Variants in DEFB132 observed in about 807,000 individuals in gnomAD.
The protein encoded by DEFB132 is beta-defensin 132.
Under a neutral mutation model 2.5 loss-of-function variants are expected in DEFB132, and 5 were observed. That is an observed-to-expected ratio of 2.00 (90% CI 1.04 to 4.20). The LOEUF is 4.20. Ranked by LOEUF, DEFB132 falls within the 30% of genes most tolerant of loss-of-function variation. The probability of loss-of-function intolerance (pLI) is 0.00; values close to 1 mark genes in which losing one functional copy is unlikely to be tolerated. For synonymous variants in DEFB132, 53 were observed against 46.2 expected (o/e 1.15, Z -0.60); for missense variants, 112 against 110.0 (o/e 1.02, Z -0.08).
At position 259,010 on chromosome 20, in the gene DEFB132, G is replaced by A. The variant is rs73570478; in HGVS notation, c.59-67G>A. On this transcript the variant is annotated intron_variant, in intron 1 of 1. Coordinates refer to ENST00000382376, the MANE Select transcript of DEFB132 (RefSeq NM_207469.3). ...AAAAAGCCAAACACTCCCATCTGGC[G>A]CTGACGCTTTAGTAGCCCTGTGCTG... is the stretch of plus-strand genomic sequence containing the variant. The A allele has an allele frequency of 2.0e-3, 2,976 of 1,514,908 alleles. 41 individuals carry two copies. The African/African-American group carries it at 0.034, about 18-fold the overall frequency. The allele number at this position is 1,514,908 out of a possible 1,614,324, so 93.8% of individuals were successfully genotyped here. A position where few individuals can be genotyped will look rare whatever the true frequency, so the allele number is the denominator to read the frequency against.
In DEFB132 at chr20:259,350, C is replaced by T. The variant is rs1489914526; in HGVS notation, c.*44C>T. 1 of 1,594,022 alleles carries T rather than the reference C, an allele frequency of 6.3e-7. No individual in the cohort carries two copies. The highest frequency in any genetic ancestry group is 8.6e-7 in the Non-Finnish European group (1 of 1,168,400). Reference sequence around the variant, plus strand: ...CCACCAACTCAGAGAAATATCATTTCCACAGTTCCAATTCCTCCTACATTG... The same window carrying T: ...CCACCAACTCAGAGAAATATCATTTTCACAGTTCCAATTCCTCCTACATTG... On this transcript the variant is annotated 3_prime_UTR_variant, in exon 2 of 2. Transcript: ENST00000382376.
Position 259,697 on chromosome 20 carries a change from G to T in DEFB132, c.*391G>T. 3.6e-6 allele frequency: 1 copy of T among 280,388 alleles called. No homozygotes were observed. 17.4% of individuals were successfully genotyped at this position (280,388 alleles called of 1,614,324 possible). A position where few individuals can be genotyped will look rare whatever the true frequency, so the allele number is the denominator to read the frequency against. ...GCCTGATACGTGTCAAAGGAGAGAGGGATAGAGGAGGATTGAATAGAAGGA... is the reference window on the plus strand; with the variant it reads ...GCCTGATACGTGTCAAAGGAGAGAGTGATAGAGGAGGATTGAATAGAAGGA... On this transcript the variant is annotated 3_prime_UTR_variant, in exon 2 of 2. Transcript: ENST00000382376.
chr20:257,822 C>A lies in DEFB132; in HGVS notation c.44C>A (p.Thr15Asn). The part of the protein sequence containing the change: ...LLVLAALGFL[T>N]QVIPASAGGS... Reference sequence around the variant, plus strand: ...GTCTTGGCAGCCCTCGGATTCCTGACCCAGGTGATCCCAGGTAAACTGGAT... The same window carrying A: ...GTCTTGGCAGCCCTCGGATTCCTGAACCAGGTGATCCCAGGTAAACTGGAT... Residue 15 changes from threonine (T) to asparagine (N), a missense_variant, in exon 1 of 2, where the codon ACC becomes AAC. By Grantham distance (65) the Thr-to-Asn change is moderately conservative. Transcript: ENST00000382376. The A allele has an allele frequency of 6.2e-7, 1 of 1,608,890 alleles. No individual in the cohort carries two copies.
chr20:258,179 C>T (rs1388020792), intron 1 of DEFB132, among the ~76,000 whole-genome samples: 1 of 152,184 alleles, frequency 6.6e-6, no homozygotes, highest in Admixed American at 6.5e-5. Context: ...TTGAGATCAG[C>T]CCGGGTTGGA....
rs1377844825 is a variant in DEFB132, at chr20:260,961, C to G, written c.*1655C>G. ...CATCTTATTGGGTATTGCAGGAGTT[C>G]ATTCCTTTTTGTTTATAAATACTCT... is the stretch of plus-strand genomic sequence containing the variant. On this transcript the variant is annotated 3_prime_UTR_variant, in exon 2 of 2. Coordinates refer to ENST00000382376, the MANE Select transcript of DEFB132 (RefSeq NM_207469.3). The G allele has an allele frequency of 6.6e-6, 1 of 152,086 alleles. No homozygotes were observed. Among genetic ancestry groups the G allele is most frequent in the Non-Finnish European group, 1.5e-5 (1 of 68,026 alleles). The allele number at this position is 152,086 out of a possible 1,614,324, so 9.4% of individuals were successfully genotyped here. A position where few individuals can be genotyped will look rare whatever the true frequency, so the allele number is the denominator to read the frequency against.
chr20:258,954 T>C, intron 1 of DEFB132, 123 bp from the exon 2 acceptor site: 3 of 932,112 alleles, frequency 3.2e-6, no homozygotes, highest in East Asian at 5.2e-5. Context: ...AAGTCTCATT[T>C]GCACAACATC....
chr20:260,606 C>G lies in DEFB132; in HGVS notation c.*1300C>G, dbSNP rs143757927. ...AGTTTTATATAACATTTATTTGACA[C>G]GTACTGACTTCTATCTGAGAAGAAC... On this transcript the variant is annotated 3_prime_UTR_variant, in exon 2 of 2. Transcript: ENST00000382376. 1 of 152,132 alleles carries G rather than the reference C, an allele frequency of 6.6e-6. No homozygotes were observed. The highest frequency in any genetic ancestry group is 2.4e-5 in the African/African-American group (1 of 41,430). 9.4% of individuals were successfully genotyped at this position (152,132 alleles called of 1,614,324 possible).
chr20:259,376 C>T lies in DEFB132; in HGVS notation c.*70C>T. ...CACAGTTCCAATTCCTCCTACATTG[C>T]TGAGTACTAGCCAAGGCTCCTCTTT... is the stretch of plus-strand genomic sequence containing the variant. On this transcript the variant is annotated 3_prime_UTR_variant, in exon 2 of 2. Transcript: ENST00000382376. The T allele has an allele frequency of 6.5e-7, 1 of 1,528,960 alleles. No individual in the cohort carries two copies. Among genetic ancestry groups the T allele is most frequent in the Non-Finnish European group, 8.9e-7 (1 of 1,125,086 alleles). 94.7% of individuals were successfully genotyped at this position (1,528,960 alleles called of 1,614,324 possible).
rs765086320 is a variant in DEFB132 at position 259,074 on chromosome 20, C to T, written c.59-3C>T. 1 of 1,614,072 alleles carries T rather than the reference C, an allele frequency of 6.2e-7. No homozygotes were observed. The highest frequency in any genetic ancestry group is 8.5e-7 in the Non-Finnish European group (1 of 1,179,970). ...CTTCTCTGTCTTGTCCTCTCCCATA[C>T]AGCCAGTGCAGGTGGGTCAAAATGT... On this transcript the variant is annotated splice_polypyrimidine_tract_variant and splice_region_variant and intron_variant, in intron 1 of 1. Coordinates refer to ENST00000382376, the MANE Select transcript of DEFB132 (RefSeq NM_207469.3).
Position 257,732 on chromosome 20 carries a change from C to T in DEFB132, c.-47C>T, listed in dbSNP as rs1435725352. 1.3e-5 allele frequency: 21 copies of T among 1,582,082 alleles called. No homozygotes were observed. The highest frequency in any genetic ancestry group is 1.7e-5 in the Non-Finnish European group (20 of 1,154,168). On this transcript the variant is annotated 5_prime_UTR_variant, in exon 1 of 2. Transcript: ENST00000382376. ...AGCTCCAAGCACATTACAGAGGGAC[C>T]CAACTCCATTAAACCACCACCAGCT...
rs2011612503 is a variant in DEFB132, at chr20:259,165, C to A, written c.147C>A (p.Cys49Ter). The A allele has an allele frequency of 5.6e-6, 9 of 1,613,956 alleles. No individual in the cohort carries two copies. Among genetic ancestry groups the A allele is most frequent in the Non-Finnish European group, 7.6e-6 (9 of 1,179,998 alleles). ...CHWGETALFM[C>*]NASRKCCISY... ...GGGGGGAGACAGCATTGTTCATGTG[C>A]AACGCTTCCAGAAAATGCTGCATCA... Residue 49 changes from cysteine (C) to a stop codon, truncating the protein, a stop_gained, in exon 2 of 2, where the codon TGC becomes TGA. Transcript: ENST00000382376. LOFTEE classifies it low-confidence loss of function (END_TRUNC).
rs1177071345 is a variant in DEFB132, at chr20:260,615, T to G, written c.*1309T>G. 1 of 152,200 alleles carries G rather than the reference T, an allele frequency of 6.6e-6. No homozygotes were observed. The highest frequency in any genetic ancestry group is 1.5e-5 in the Non-Finnish European group (1 of 68,026). 9.4% of individuals were successfully genotyped at this position (152,200 alleles called of 1,614,324 possible). On this transcript the variant is annotated 3_prime_UTR_variant, in exon 2 of 2. Transcript: ENST00000382376. ...TAACATTTATTTGACACGTACTGAC[T>G]TCTATCTGAGAAGAACAAACCAAAA... is the stretch of plus-strand genomic sequence containing the variant.
At position 258,095 on chromosome 20, in the gene DEFB132, T is replaced by C. The variant is rs1482411761; in HGVS notation, c.58+259T>C. On this transcript the variant is annotated intron_variant, in intron 1 of 1. Coordinates refer to ENST00000382376, the MANE Select transcript of DEFB132 (RefSeq NM_207469.3). Reference sequence around the variant, plus strand: ...TCAACCTAAACCAAAATATCTTCTTTCACTTTATGTGAGCTCCTTATATCT... The same window carrying C: ...TCAACCTAAACCAAAATATCTTCTTCCACTTTATGTGAGCTCCTTATATCT... Among the ~76,000 whole-genome samples the C allele has an allele frequency of 3.9e-5, 6 of 152,320 alleles. No homozygotes were observed. The East Asian group carries it at 1.2e-3, about 29-fold the overall frequency.
Position 259,598 on chromosome 20 carries a change from G to T in DEFB132, c.*292G>T, listed in dbSNP as rs753813763. The stretch of plus-strand genomic sequence containing the variant: ...ATTGGACATGCAAAAGATTGACTGG[G>T]AGAACACACCTCTGATGGACAAAGG... On this transcript the variant is annotated 3_prime_UTR_variant, in exon 2 of 2. Transcript: ENST00000382376. 2 of 416,992 alleles carry T rather than the reference G, an allele frequency of 4.8e-6. No homozygotes were observed. The highest frequency in any genetic ancestry group is 9.0e-6 in the Non-Finnish European group (2 of 222,936). 25.8% of individuals were successfully genotyped at this position (416,992 alleles called of 1,614,324 possible). A position where few individuals can be genotyped will look rare whatever the true frequency, so the allele number is the denominator to read the frequency against.
At chr20:257,980 A>C (rs1600176479) in intron 1 of DEFB132, 144 bp downstream of exon 1, 1 of 722,236 alleles carries the variant, frequency 1.4e-6, no homozygotes. Flanking sequence ...TCTCCTAACA[A>C]CCACCACTAG....
At position 259,086 on chromosome 20, in the gene DEFB132, G is replaced by A. The variant is rs1365086475; in HGVS notation, c.68G>A (p.Gly23Asp). 1.9e-6 allele frequency: 3 copies of A among 1,614,046 alleles called. No homozygotes were observed. The highest frequency in any genetic ancestry group is 1.3e-5 in the African/African-American group (1 of 74,902). Reference protein sequence around the residue: ...FLTQVIPASAGGSKCVSNTPG... With the variant: ...FLTQVIPASADGSKCVSNTPG... Reference sequence around the variant, plus strand: ...GTCCTCTCCCATACAGCCAGTGCAGGTGGGTCAAAATGTGTGAGTAACACC... The same window carrying A: ...GTCCTCTCCCATACAGCCAGTGCAGATGGGTCAAAATGTGTGAGTAACACC... The change falls in exon 2 of 2, where the codon GGT becomes GAT. Residue 23 changes from glycine to aspartate, a missense_variant. Gly to Asp is a moderately conservative substitution (Grantham distance 94). Coordinates refer to ENST00000382376, the MANE Select transcript of DEFB132 (RefSeq NM_207469.3).
intron 1 of DEFB132, 32 bp from the exon 2 acceptor site, chr20:259,045 A>G (rs1301470808): frequency 6.8e-6 from 11 of 1,608,872 alleles, no homozygotes; most frequent in Middle Eastern, 1.8e-4. Flanking sequence ...GCTTCTAACC[A>G]TGACTTCTCT....
chr20:257,739 C>T lies in DEFB132; in HGVS notation c.-40C>T, dbSNP rs368772200. The T allele has an allele frequency of 6.3e-7, 1 of 1,597,020 alleles. No individual in the cohort carries two copies. The highest frequency in any genetic ancestry group is 1.3e-5 in the African/African-American group (1 of 74,724). On this transcript the variant is annotated 5_prime_UTR_variant, in exon 1 of 2. Coordinates refer to ENST00000382376, the MANE Select transcript of DEFB132 (RefSeq NM_207469.3). ...AGCACATTACAGAGGGACCCAACTC[C>T]ATTAAACCACCACCAGCTCCCCAAG...
At chr20:258,091 T>G (rs1366132514) in intron 1 of DEFB132, among the ~76,000 whole-genome samples, 1 of 152,220 alleles carries the variant, frequency 6.6e-6, no homozygotes, top group Non-Finnish European at 1.5e-5. Flanking sequence ...CAAAATATCT[T>G]CTTTCACTTT....
Sources: allele counts gnomAD v4.1 joint callset (sites outside exome capture counted in the v4.1 genomes callset), GRCh38; gene constraint gnomAD v4.1.1; transcripts MANE v1.5; gene names NCBI Gene and HGNC (gene_info 2026-07-23, HGNC 2026-07-21).